The following DYNC1I1 variants were observed in gnomAD, a reference collection of about 807,000 sequenced individuals.
The protein encoded by DYNC1I1 is dynein cytoplasmic 1 intermediate chain 1, also known as cytoplasmic dynein 1 intermediate chain 1.
A neutral mutation model predicts 86.6 loss-of-function variants in DYNC1I1; 43 were observed. The observed-to-expected ratio is 0.50, with a 90% confidence interval of 0.39 to 0.64. The LOEUF is 0.64. DYNC1I1 is among the 30% of genes least tolerant of loss of function. The pLI, the probability that DYNC1I1 is intolerant of heterozygous loss-of-function variation, is 0.00. For synonymous variants in DYNC1I1, 262 were observed against 283.7 expected (o/e 0.92, Z 0.77); for missense variants, 604 against 788.8 (o/e 0.77, Z 2.81).
intron 6 of DYNC1I1, among the ~76,000 whole-genome samples, chr7:95,945,430 A>T (rs1792371947): frequency 6.6e-6 from 1 of 152,164 alleles, no homozygotes; most frequent in African/African-American, 2.4e-5. Context: ...CTTCAGTTTA[A>T]ATTTATATTT....
intron 6 of DYNC1I1, among the ~76,000 whole-genome samples, chr7:95,939,894 G>A (rs576508732): frequency 6.6e-6 from 1 of 152,120 alleles, no homozygotes. Context: ...TCCTAGCCTC[G>A]ATGGTCTTTA....
chr7:95,891,631 T>C (rs1790741388), intron 6 of DYNC1I1, among the ~76,000 whole-genome samples: 1 of 150,986 alleles, frequency 6.6e-6, no homozygotes, highest in Non-Finnish European at 1.5e-5. Context: ...CTAGGGAGAG[T>C]TTTAATGTTC....
intron 4 of DYNC1I1, among the ~76,000 whole-genome samples, chr7:95,813,710 G>A (rs1173734380): frequency 3.9e-5 from 6 of 152,098 alleles, no homozygotes; most frequent in African/African-American, 1.4e-4. Context: ...TTCCATGAAA[G>A]TCTTTGTGAA....
At chr7:95,988,981 C>G (rs751118811) in intron 9 of DYNC1I1, among the ~76,000 whole-genome samples, 2 of 152,098 alleles carry the variant, frequency 1.3e-5, no homozygotes, top group African/African-American at 4.8e-5. Context: ...TTTAGCATCC[C>G]GTGGCATATG....
At chr7:95,933,815 G>A (rs1053704460) in intron 6 of DYNC1I1, among the ~76,000 whole-genome samples, 2 of 152,016 alleles carry the variant, frequency 1.3e-5, no homozygotes, top group Admixed American at 6.6e-5. Context: ...GCCACCCACA[G>A]CCTTTTCTCC....
intron 1 of DYNC1I1, among the ~76,000 whole-genome samples, chr7:95,792,234 A>G (rs1170506232): frequency 6.6e-6 from 1 of 152,110 alleles, no homozygotes; most frequent in African/African-American, 2.4e-5. Flanking sequence ...CGTGCAGGGT[A>G]CTCTAACAGC....
intron 11 of DYNC1I1, among the ~76,000 whole-genome samples, chr7:96,031,239 G>A (rs987598725): frequency 4.6e-5 from 7 of 152,056 alleles, no homozygotes; most frequent in Non-Finnish European, 8.8e-5. Context: ...ACAAAATACA[G>A]CATTTTCAAA....
chr7:95,842,071 A>G (rs1789298529), intron 5 of DYNC1I1, among the ~76,000 whole-genome samples: 1 of 152,206 alleles, frequency 6.6e-6, no homozygotes, highest in Non-Finnish European at 1.5e-5. Context: ...TTTACTCCTC[A>G]GGGAGAAACT....
intron 14 of DYNC1I1, among the ~76,000 whole-genome samples, chr7:96,054,176 C>T (rs1789499757): frequency 1.3e-5 from 2 of 152,168 alleles, no homozygotes; most frequent in South Asian, 4.1e-4. Flanking sequence ...GTGATGTTCC[C>T]CTTTCTGTGT....
intron 14 of DYNC1I1, among the ~76,000 whole-genome samples, chr7:96,054,955 A>T (rs1373628235): frequency 6.6e-6 from 1 of 152,126 alleles, no homozygotes; most frequent in Non-Finnish European, 1.5e-5. Flanking sequence ...GCTGTGCAGA[A>T]GTTCTTTAGT....
chr7:95,848,832 A>G (rs1487358975), intron 5 of DYNC1I1, among the ~76,000 whole-genome samples: 1 of 152,158 alleles, frequency 6.6e-6, no homozygotes, highest in Non-Finnish European at 1.5e-5. Context: ...ATACTAATGT[A>G]CATTACCACC....
chr7:96,007,593 C>T (rs1320543377), intron 10 of DYNC1I1, among the ~76,000 whole-genome samples: 1 of 152,096 alleles, frequency 6.6e-6, no homozygotes, highest in South Asian at 2.1e-4. Flanking sequence ...TATGATACAT[C>T]AGGAGAAATG....
intron 10 of DYNC1I1, among the ~76,000 whole-genome samples, chr7:95,998,687 C>A (rs1326214586): frequency 2.0e-5 from 3 of 152,182 alleles, no homozygotes; most frequent in Admixed American, 6.5e-5. Flanking sequence ...AGCAAGAGTA[C>A]CTTATGATGA....
intron 9 of DYNC1I1, among the ~76,000 whole-genome samples, chr7:95,992,477 C>G (rs928898350): frequency 5.3e-5 from 8 of 152,060 alleles, no homozygotes; most frequent in Non-Finnish European, 7.4e-5. Flanking sequence ...GTTATTTAAC[C>G]CAGGACTCTG....
intron 6 of DYNC1I1, among the ~76,000 whole-genome samples, chr7:95,883,219 C>A (rs1432831551): frequency 6.6e-6 from 1 of 152,144 alleles, no homozygotes; most frequent in African/African-American, 2.4e-5. Context: ...AAAGACCTCA[C>A]AATTGCTCAT....
At chr7:96,081,791 T>G (rs1338798093) in intron 16 of DYNC1I1, among the ~76,000 whole-genome samples, 1 of 152,202 alleles carries the variant, frequency 6.6e-6, no homozygotes, top group African/African-American at 2.4e-5. Context: ...TATTATATAC[T>G]GCTATATGGT....
At chr7:95,794,324 T>C (rs759600709) in intron 1 of DYNC1I1, among the ~76,000 whole-genome samples, 2 of 152,200 alleles carry the variant, frequency 1.3e-5, no homozygotes, top group Admixed American at 6.5e-5. Flanking sequence ...AGGATTCTAC[T>C]TGAGATTCTC....
At chr7:95,987,803 T>A (rs1793634020) in intron 9 of DYNC1I1, among the ~76,000 whole-genome samples, 1 of 152,216 alleles carries the variant, frequency 6.6e-6, no homozygotes, top group Admixed American at 6.5e-5. Flanking sequence ...TAGTAACTCA[T>A]TATTTTCATA....
At chr7:95,784,834 T>G (rs1437075380) in intron 1 of DYNC1I1, among the ~76,000 whole-genome samples, 5 of 152,210 alleles carry the variant, frequency 3.3e-5, no homozygotes, top group Non-Finnish European at 7.3e-5. Flanking sequence ...TGGTAATTTC[T>G]ACATAATTTT....
Sources: gnomAD v4.1 joint callset for allele counts (sites outside exome capture counted in the v4.1 genomes callset) on GRCh38, gnomAD v4.1.1 for gene constraint, MANE v1.5 for transcripts, NCBI Gene and HGNC (gene_info 2026-07-23, HGNC 2026-07-21) for gene names.